Variants in PLXNA2 observed in about 807,000 individuals in gnomAD.
PLXNA2 encodes plexin-A2.
Under a neutral mutation model 193.5 loss-of-function variants are expected in PLXNA2, and 91 were observed. The ratio of observed to expected loss-of-function variants is 0.47; its 90% CI spans 0.40 to 0.56. PLXNA2 has a LOEUF of 0.56. PLXNA2 is among the 20% of genes least tolerant of loss of function. The pLI, the probability that PLXNA2 is intolerant of heterozygous loss-of-function variation, is 0.00. For synonymous variants in PLXNA2, 997 were observed against 1,027.3 expected, an observed-to-expected ratio of 0.97 and a Z score of 0.56; for missense variants, 1,995 against 2,503.2, an observed-to-expected ratio of 0.80 and a Z score of 4.33.
At position 208,031,596 on chromosome 1, in the gene PLXNA2, C is replaced by A. The variant is rs759320784; in HGVS notation, c.5219G>T (p.Ser1740Ile). Residue 1740 changes from serine to isoleucine, a missense_variant, in exon 29 of 32, where the codon AGC (serine) becomes ATC (isoleucine). Coordinates refer to ENST00000367033, the MANE Select transcript of PLXNA2 (RefSeq NM_025179.4). ...HDTDVRHTWKSNCLPLRFWVN... is the reference protein window; with the variant it reads ...HDTDVRHTWKINCLPLRFWVN... ...GAGCTCCCCGAGGGTTTACCAGTTG[C>A]TTTTCCAGGTGTGCCGCACATCTGT... 2 of 1,614,074 alleles carry A rather than the reference C, an allele frequency of 1.2e-6. No individual in the cohort carries two copies. The highest frequency in any genetic ancestry group is 1.7e-6 in the Non-Finnish European group (2 of 1,179,990).
chr1:208,242,017 AG>A (rs1300497663), intron 1 of PLXNA2, among the ~76,000 whole-genome samples: 3 of 152,092 alleles, frequency 2.0e-5, no homozygotes, highest in Non-Finnish European at 4.4e-5. Flanking sequence ...CCGTGAAGAG[AG>A]AGGGAAGTTA....
intron 1 of PLXNA2, among the ~76,000 whole-genome samples, chr1:208,230,011 T>A (rs575675992): frequency 6.6e-6 from 1 of 152,326 alleles, no homozygotes; most frequent in African/African-American, 2.4e-5. Flanking sequence ...TTTAACCTTT[T>A]GGAGCCTCGC....
intron 3 of PLXNA2, among the ~76,000 whole-genome samples, chr1:208,172,476 C>T (rs1669525956): frequency 6.6e-6 from 1 of 152,164 alleles, no homozygotes; most frequent in Non-Finnish European, 1.5e-5. Context: ...TAGTTGTGCC[C>T]ACAGCACTGC....
chr1:208,171,487 C>T (rs1175775422), intron 3 of PLXNA2, among the ~76,000 whole-genome samples: 1 of 152,124 alleles, frequency 6.6e-6, no homozygotes, highest in Non-Finnish European at 1.5e-5. Flanking sequence ...AAGAAACTTG[C>T]CTAAGTTACC....
chr1:208,210,202 C>T, intron 3 of PLXNA2, 78 bp downstream of exon 3: 4 of 1,488,630 alleles, frequency 2.7e-6, no homozygotes, highest in Non-Finnish European at 3.7e-6. Context: ...TAAATCTCCA[C>T]CAATAGCTAC....
intron 3 of PLXNA2, among the ~76,000 whole-genome samples, chr1:208,202,814 A>G (rs1221762966): frequency 6.6e-6 from 1 of 152,254 alleles, no homozygotes; most frequent in African/African-American, 2.4e-5. Flanking sequence ...TTGGCAATAA[A>G]GCCCCGAGCT....
At chr1:208,062,130 T>C (rs1665640415) in intron 12 of PLXNA2, among the ~76,000 whole-genome samples, 2 of 152,148 alleles carry the variant, frequency 1.3e-5, no homozygotes, top group South Asian at 4.1e-4. Context: ...CAGAAGAGGA[T>C]ACCTGGGCAG....
At chr1:208,098,458 T>TCTCTCTCTCACACA (rs368366958) in intron 6 of PLXNA2, among the ~76,000 whole-genome samples, 4 of 123,428 alleles carry the variant, frequency 3.2e-5, no homozygotes, top group African/African-American at 1.3e-4. Context: ...TCTCTCTCTC[T>TCTCTCTCTCACACA]CACACACACA....
At chr1:208,115,849 T>G (rs946546176) in intron 4 of PLXNA2, among the ~76,000 whole-genome samples, 5 of 152,204 alleles carry the variant, frequency 3.3e-5, no homozygotes, top group Non-Finnish European at 5.9e-5. Context: ...AGTCAGTGTT[T>G]TGTACCAATA....
intron 3 of PLXNA2, among the ~76,000 whole-genome samples, chr1:208,208,455 A>G (rs1670811291): frequency 6.6e-6 from 1 of 152,254 alleles, no homozygotes; most frequent in Admixed American, 6.5e-5. Flanking sequence ...TGGGCCAGGC[A>G]ATCTCTAAGG....
intron 3 of PLXNA2, among the ~76,000 whole-genome samples, chr1:208,168,593 A>C (rs1292662300): frequency 6.6e-6 from 1 of 152,206 alleles, no homozygotes; most frequent in Non-Finnish European, 1.5e-5. Context: ...CTCAAGGCAT[A>C]CAGCTAGCCT....
At chr1:208,152,483 C>A (rs1668795249) in intron 3 of PLXNA2, among the ~76,000 whole-genome samples, 1 of 152,182 alleles carries the variant, frequency 6.6e-6, no homozygotes, top group African/African-American at 2.4e-5. Flanking sequence ...CCAAACACTG[C>A]CAGATTAATC....
intron 12 of PLXNA2, among the ~76,000 whole-genome samples, chr1:208,069,251 G>T (rs1344893256): frequency 6.6e-6 from 1 of 152,140 alleles, no homozygotes; most frequent in Admixed American, 6.5e-5. Flanking sequence ...AAGCTTCCAG[G>T]AACTTCTGGT....
At position 208,028,281 on chromosome 1, in the gene PLXNA2, T is replaced by G. The variant is rs145594087; in HGVS notation, c.5439-122A>C. ...AGTTGCTCCTGCCTCCCTATTTCTC[T>G]TCTGATGTGGCTTCCTCTGGCCTCT... On this transcript the variant is annotated intron_variant, in intron 30 of 31. Coordinates refer to ENST00000367033, the MANE Select transcript of PLXNA2 (RefSeq NM_025179.4). This position sits in a 1 kb window ranked among gnomAD's most constrained non-coding sequence, Gnocchi z 4.2. 19 of 874,702 alleles carry G rather than the reference T, an allele frequency of 2.2e-5. No individual in the cohort carries two copies. Among genetic ancestry groups the G allele is most frequent in the Non-Finnish European group, 2.9e-5 (17 of 582,552 alleles). 54.2% of individuals were successfully genotyped at this position (874,702 alleles called of 1,614,324 possible). A position where few individuals can be genotyped will look rare whatever the true frequency, so the allele number is the denominator to read the frequency against.
At chr1:208,234,250 G>C (rs1671781139) in intron 1 of PLXNA2, among the ~76,000 whole-genome samples, 1 of 152,136 alleles carries the variant, frequency 6.6e-6, no homozygotes, top group African/African-American at 2.4e-5. Context: ...CACATCCACT[G>C]TGTGGGCCCG....
intron 3 of PLXNA2, among the ~76,000 whole-genome samples, chr1:208,191,314 T>TC (rs1670173956): frequency 6.6e-6 from 1 of 152,152 alleles, no homozygotes; most frequent in African/African-American, 2.4e-5. Flanking sequence ...TAGGATTTCT[T>TC]CCCCCTCCCC....
chr1:208,042,475 A>G, intron 21 of PLXNA2, 109 bp from the exon 22 acceptor site: 1 of 1,220,394 alleles, frequency 8.2e-7, no homozygotes, highest in African/African-American at 1.5e-5. Flanking sequence ...GTAGGACCCT[A>G]TGTTTGAGGC....
At chr1:208,068,644 T>C (rs1395367927) in intron 12 of PLXNA2, among the ~76,000 whole-genome samples, 1 of 152,236 alleles carries the variant, frequency 6.6e-6, no homozygotes, top group African/African-American at 2.4e-5. Flanking sequence ...GATTGATTGA[T>C]GTGCAGTAAG....
At chr1:208,144,730 T>A (rs1044011723) in intron 3 of PLXNA2, among the ~76,000 whole-genome samples, 4 of 152,170 alleles carry the variant, frequency 2.6e-5, no homozygotes, top group African/African-American at 9.7e-5. Flanking sequence ...GACTTTCCCC[T>A]ATGCTCCGCT....
Sources: gnomAD v4.1 joint callset for allele counts (sites outside exome capture counted in the v4.1 genomes callset) on GRCh38, gnomAD v4.1.1 for gene constraint, Gnocchi (gnomAD v3.1) non-coding constraint, MANE v1.5 for transcripts, NCBI Gene and HGNC (gene_info 2026-07-23, HGNC 2026-07-21) for gene names.